Variants in CSMD1 observed in about 807,000 individuals in gnomAD.
The protein encoded by CSMD1 is CUB and sushi domain-containing protein 1.
A neutral mutation model predicts 417.5 loss-of-function variants in CSMD1; 213 were observed. The ratio of observed to expected loss-of-function variants is 0.51; its 90% CI spans 0.46 to 0.57. CSMD1 has a LOEUF of 0.57. Among genes scored for constraint, CSMD1 ranks in the 20% least tolerant of loss-of-function variants. The pLI, the probability that CSMD1 is intolerant of heterozygous loss-of-function variation, is 0.00. For missense variants in CSMD1, 6,923 were observed against 4,529.7 expected, an observed-to-expected ratio of 1.53 and a Z score of -15.17; for synonymous variants, 2,862 against 1,736.8, an observed-to-expected ratio of 1.65 and a Z score of -16.11.
chr8:3,818,449 C>A (rs1429146386), intron 5 of CSMD1, among the ~76,000 whole-genome samples: 1 of 152,140 alleles, frequency 6.6e-6, no homozygotes, highest in Non-Finnish European at 1.5e-5. Context: ...CCTCATGGAT[C>A]AGCTATCCAG....
At chr8:3,777,391 G>T (rs946936300) in intron 5 of CSMD1, among the ~76,000 whole-genome samples, 1 of 152,024 alleles carries the variant, frequency 6.6e-6, no homozygotes, top group Non-Finnish European at 1.5e-5. Context: ...TACTTGCATG[G>T]CCCCCTCCAC....
At chr8:3,994,919 T>C (rs1026436049) in intron 5 of CSMD1, among the ~76,000 whole-genome samples, 1 of 152,156 alleles carries the variant, frequency 6.6e-6, no homozygotes, top group Non-Finnish European at 1.5e-5. Context: ...TATTGGAAGA[T>C]CATATGTGTA....
At chr8:4,577,121 T>C (rs1421661472) in intron 2 of CSMD1, among the ~76,000 whole-genome samples, 1 of 152,208 alleles carries the variant, frequency 6.6e-6, no homozygotes, top group Non-Finnish European at 1.5e-5. Context: ...GTATAATTTA[T>C]GCTAATCTTC....
chr8:3,751,662 G>A (rs568025834), intron 6 of CSMD1, among the ~76,000 whole-genome samples: 94 of 151,284 alleles, frequency 6.2e-4, no homozygotes, highest in Non-Finnish European at 1.1e-3. Flanking sequence ...TAAAATCAAC[G>A]TCTGATACAT....
chr8:4,759,744 T>G (rs952937841), intron 1 of CSMD1, among the ~76,000 whole-genome samples: 4 of 152,202 alleles, frequency 2.6e-5, no homozygotes, highest in Admixed American at 6.5e-5. Flanking sequence ...AGACAAGATC[T>G]CATTCATTTT....
intron 3 of CSMD1, among the ~76,000 whole-genome samples, chr8:4,397,247 C>A (rs1268417088): frequency 1.3e-5 from 2 of 152,060 alleles, no homozygotes; most frequent in Non-Finnish European, 2.9e-5. Context: ...AGCGTGTGAG[C>A]ATGCGTTTTT....
At chr8:3,149,183 G>A (rs558521043) in intron 40 of CSMD1, among the ~76,000 whole-genome samples, 9 of 151,820 alleles carry the variant, frequency 5.9e-5, no homozygotes, top group East Asian at 1.9e-4. Context: ...TTATTCTCTC[G>A]CACAATAGTT....
intron 3 of CSMD1, among the ~76,000 whole-genome samples, chr8:4,301,397 G>T (rs10866965): frequency 0.69 from 104,195 of 152,004 alleles, 36,276 homozygotes; most frequent in East Asian, 0.85. Flanking sequence ...TGATTCTGTT[G>T]TGTCTCCAGG....
intron 3 of CSMD1, among the ~76,000 whole-genome samples, chr8:4,154,236 A>G (rs965544663): frequency 6.6e-6 from 1 of 152,036 alleles, no homozygotes. Context: ...TAAGCATACA[A>G]TGAAATAAAG....
chr8:3,851,714 ATAAT>A (rs150230697), intron 5 of CSMD1, among the ~76,000 whole-genome samples: 2 of 152,314 alleles, frequency 1.3e-5, no homozygotes, highest in East Asian at 3.9e-4. Context: ...CAGAAGATAA[ATAAT>A]TAAAGGAAAG....
chr8:3,798,343 C>T (rs1370560778), intron 5 of CSMD1, among the ~76,000 whole-genome samples: 4 of 151,966 alleles, frequency 2.6e-5, no homozygotes, highest in Non-Finnish European at 5.9e-5. Flanking sequence ...TATCTGATGG[C>T]AGTAAGTCAC....
intron 28 of CSMD1, among the ~76,000 whole-genome samples, chr8:3,223,184 AC>A (rs1325944671): frequency 6.6e-6 from 1 of 152,206 alleles, no homozygotes; most frequent in Non-Finnish European, 1.5e-5. Flanking sequence ...ACAGTATTAG[AC>A]CTTCCATCGT....
intron 1 of CSMD1, among the ~76,000 whole-genome samples, chr8:4,729,612 G>C (rs1371164720): frequency 6.6e-6 from 1 of 152,170 alleles, no homozygotes; most frequent in Admixed American, 6.5e-5. Flanking sequence ...ACGTTAATCT[G>C]TGAGCAGGTG....
chr8:3,593,440 G>C (rs112136096), intron 8 of CSMD1, among the ~76,000 whole-genome samples: 32 of 152,336 alleles, frequency 2.1e-4, no homozygotes, highest in African/African-American at 7.2e-4. Flanking sequence ...CCTAGGAAAG[G>C]TTATGACTGG....
chr8:4,625,039 C>A (rs1982628), intron 2 of CSMD1, among the ~76,000 whole-genome samples: 93,496 of 151,904 alleles, frequency 0.62, 29,130 homozygotes, highest in Admixed American at 0.74. Context: ...TCATGAGAAA[C>A]CGGGAAGAAT....
At position 4,398,982 on chromosome 8, in the gene CSMD1, A is replaced by C. The variant is rs574482637; in HGVS notation, c.415+20971T>G. On this transcript the variant is annotated intron_variant, in intron 3 of 69. Transcript: ENST00000635120. Reference sequence around the variant, plus strand: ...TAAAAGCTTCTTCCAGGAAACAGTCAAAATTATTTACTGAGCACCTAATAT... The same window carrying C: ...TAAAAGCTTCTTCCAGGAAACAGTCCAAATTATTTACTGAGCACCTAATAT... Among the ~76,000 whole-genome samples, 88 of 152,380 alleles carry C rather than the reference A, an allele frequency of 5.8e-4. No homozygotes were observed. In the Middle Eastern group the frequency reaches 0.01, roughly 18 times the overall value.
intron 26 of CSMD1, among the ~76,000 whole-genome samples, chr8:3,282,248 T>G (rs529116093): frequency 5.3e-5 from 8 of 152,114 alleles, no homozygotes; most frequent in Admixed American, 5.2e-4. Context: ...GTTCATTGAT[T>G]GCAACAAATG....
Position 3,792,707 on chromosome 8 carries a change from G to C in CSMD1, c.819-38665C>G, listed in dbSNP as rs566504257. On this transcript the variant is annotated intron_variant, in intron 5 of 69. Transcript: ENST00000635120. ...TGAAATCTTTTCTAAAATTGACACAGTCAAGTTGGTGAAAGAGTTTCAACC... is the reference window on the plus strand; with the variant it reads ...TGAAATCTTTTCTAAAATTGACACACTCAAGTTGGTGAAAGAGTTTCAACC... 9.9e-5 allele frequency among the ~76,000 whole-genome samples: 15 copies of C among 152,256 alleles called. No homozygotes were observed. The East Asian group carries it at 2.5e-3, about 25-fold the overall frequency.
intron 2 of CSMD1, among the ~76,000 whole-genome samples, chr8:4,430,572 A>G (rs1362685773): frequency 6.6e-6 from 1 of 152,162 alleles, no homozygotes; most frequent in Non-Finnish European, 1.5e-5. Context: ...GGGGAAGAAA[A>G]TAAATTTTCC....
Sources: allele counts gnomAD v4.1 joint callset (sites outside exome capture counted in the v4.1 genomes callset), GRCh38; gene constraint gnomAD v4.1.1; transcripts MANE v1.5; gene names NCBI Gene and HGNC (gene_info 2026-07-23, HGNC 2026-07-21).